The following NEURL4 variants were observed in gnomAD, a reference collection of about 807,000 sequenced individuals.
The protein encoded by NEURL4 is neuralized E3 ubiquitin protein ligase 4.
A neutral mutation model predicts 148.0 loss-of-function variants in NEURL4; 45 were observed. That is an observed-to-expected ratio of 0.30 (90% CI 0.24 to 0.39). NEURL4 has a LOEUF of 0.39. NEURL4 is among the 10% of genes least tolerant of loss of function. The pLI is 1.00. For missense variants in NEURL4, 1,776 were observed against 2,144.0 expected, an observed-to-expected ratio of 0.83 and a Z score of 3.39; for synonymous variants, 854 against 869.0, an observed-to-expected ratio of 0.98 and a Z score of 0.30.
In NEURL4 at chr17:7,324,039, G is replaced by A. The variant is rs1395346836; in HGVS notation, c.2063-27C>T. 7.5e-6 allele frequency: 12 copies of A among 1,608,438 alleles called. No homozygotes were observed. The highest frequency in any genetic ancestry group is 1.1e-5 in the South Asian group (1 of 91,074). ...TGTAAAAGTGGACATCACCCATCAG[G>A]TCTCTAGGTGTCTCTCAGACCTCCC... On this transcript the variant is annotated intron_variant, in intron 11 of 28. Coordinates refer to ENST00000399464, the MANE Select transcript of NEURL4 (RefSeq NM_032442.3). The surrounding 1 kb of genome is among the most constrained non-coding windows in gnomAD (Gnocchi z 5.9).
In NEURL4 at chr17:7,327,551, G is replaced by A. The variant is rs761984020; in HGVS notation, c.616C>T (p.Pro206Ser). The A allele has an allele frequency of 2.5e-6, 4 of 1,610,360 alleles. No individual in the cohort carries two copies. In the South Asian group the frequency reaches 3.3e-5, roughly 13 times the overall value. ...GGGGGGCTGAAGCCTGGCTCAGGGG[G>A]TAGCACGGTGATCTGGGTGCACTTG... ...YGKCTQITVL[P>S]PEPGFSPPTP... The change falls in exon 2 of 29, where the codon CCC becomes TCC. Residue 206 changes from proline to serine, a missense_variant. Physicochemically the swap from Pro to Ser is moderately conservative, Grantham distance 74. Coordinates refer to ENST00000399464, the MANE Select transcript of NEURL4 (RefSeq NM_032442.3). The surrounding 1 kb of genome is among the most constrained non-coding windows in gnomAD (Gnocchi z 6.6).
At position 7,320,820 on chromosome 17, in the gene NEURL4, G is replaced by A; in HGVS notation, c.3464C>T (p.Ala1155Val). Residue 1155 changes from alanine (A) to valine (V), a missense_variant, in exon 21 of 29, where the codon GCC becomes GTC. Coordinates refer to ENST00000399464, the MANE Select transcript of NEURL4 (RefSeq NM_032442.3). Reference sequence around the variant, plus strand: ...GACAACGATGCCCTGATTGTAGCTGGCCACCCGTGTGGCCGTACGGTTCCC... The same window carrying A: ...GACAACGATGCCCTGATTGTAGCTGACCACCCGTGTGGCCGTACGGTTCCC... ...SNGNRTATRV[A>V]SYNQGIVVIN... The A allele has an allele frequency of 1.2e-6, 2 of 1,614,070 alleles. No homozygotes were observed. Among genetic ancestry groups the A allele is most frequent in the Non-Finnish European group, 1.7e-6 (2 of 1,179,988 alleles).
At chr17:7,325,518 G>A (rs2143013238) in intron 7 of NEURL4, 45 bp from the exon 8 acceptor site, 1 of 1,602,330 alleles carries the variant, frequency 6.2e-7, no homozygotes, top group East Asian at 2.2e-5. Flanking sequence ...CAGGGAGAAT[G>A]AGGGGAGAAA....
intron 21 of NEURL4, among the ~76,000 whole-genome samples, chr17:7,320,136 T>G (rs949784554): frequency 6.6e-6 from 1 of 151,628 alleles, no homozygotes; most frequent in African/African-American, 2.4e-5. Flanking sequence ...GGCCTTTTTT[T>G]CTTTTTTTTT....
rs749849998 is a variant in NEURL4 at position 7,316,078 on chromosome 17, T to C, written c.*45A>G. The C allele has an allele frequency of 3.4e-5, 35 of 1,015,782 alleles. No individual in the cohort carries two copies. The Admixed American group carries it at 5.4e-4, about 16-fold the overall frequency. 62.9% of individuals were successfully genotyped at this position (1,015,782 alleles called of 1,614,324 possible). A position where few individuals can be genotyped will look rare whatever the true frequency, so the allele number is the denominator to read the frequency against. On this transcript the variant is annotated 3_prime_UTR_variant, in exon 29 of 29. Transcript: ENST00000399464. The stretch of plus-strand genomic sequence containing the variant: ...GGAGGCAGTCGCCACTCAGAGTCCA[T>C]GGGCCCGCGGCCCGACTGTGCTTGT...
At position 7,327,612 on chromosome 17, in the gene NEURL4, C is replaced by T; in HGVS notation, c.555G>A (p.Leu185=). The T allele has an allele frequency of 6.2e-7, 1 of 1,612,704 alleles. No individual in the cohort carries two copies. The highest frequency in any genetic ancestry group is 8.5e-7 in the Non-Finnish European group (1 of 1,179,888). The part of the protein sequence containing the change: ...GRDCGVAATG[L]PPRVWAVVDL... Reference sequence around the variant, plus strand: ...CCACGACGGCCCAGACACGAGGGGGCAGGCCTGTGGCAGCCACACCGCAAT... The same window carrying T: ...CCACGACGGCCCAGACACGAGGGGGTAGGCCTGTGGCAGCCACACCGCAAT... Residue 185 remains leucine, a synonymous_variant, in exon 2 of 29, where the codon CTG becomes CTA. Transcript: ENST00000399464. This position sits in a 1 kb window ranked among gnomAD's most constrained non-coding sequence, Gnocchi z 6.6.
At position 7,318,389 on chromosome 17, in the gene NEURL4, G is replaced by C. The variant is rs747982909; in HGVS notation, c.3865-33C>G. On this transcript the variant is annotated intron_variant, in intron 23 of 28. Transcript: ENST00000399464. The surrounding 1 kb of genome is among the most constrained non-coding windows in gnomAD (Gnocchi z 4.3). Reference sequence around the variant, plus strand: ...GGAGAGGGTAGTCAGACAGAGCTTGGTCAGACCCCAGGGCCTGCTGATCCC... The same window carrying C: ...GGAGAGGGTAGTCAGACAGAGCTTGCTCAGACCCCAGGGCCTGCTGATCCC... 2 of 1,612,398 alleles carry C rather than the reference G, an allele frequency of 1.2e-6. No individual in the cohort carries two copies. The highest frequency in any genetic ancestry group is 1.1e-5 in the South Asian group (1 of 91,040).
chr17:7,326,728 C>T lies in NEURL4; in HGVS notation c.1075G>A (p.Asp359Asn). 4 of 1,611,376 alleles carry T rather than the reference C, an allele frequency of 2.5e-6. No individual in the cohort carries two copies. The highest frequency in any genetic ancestry group is 1.1e-5 in the South Asian group (1 of 90,800). Residue 359 changes from aspartate to asparagine, a missense_variant, in exon 4 of 29, where the codon GAC becomes AAC. Transcript: ENST00000399464. The surrounding 1 kb of genome is among the most constrained non-coding windows in gnomAD (Gnocchi z 6.0). ...GVVMTNRPLR[D>N]NEMFEIRIDK... ...TTGCACACCTCAAACATCTCATTGTCCCGAAGGGGGCGATTGGTCATGACA... is the reference window on the plus strand; with the variant it reads ...TTGCACACCTCAAACATCTCATTGTTCCGAAGGGGGCGATTGGTCATGACA...
At position 7,318,136 on chromosome 17, in the gene NEURL4, G is replaced by A. The variant is rs1220234880; in HGVS notation, c.3989C>T (p.Ala1330Val). 6.2e-7 allele frequency: 1 copy of A among 1,614,188 alleles called. No individual in the cohort carries two copies. The highest frequency in any genetic ancestry group is 8.5e-7 in the Non-Finnish European group (1 of 1,180,030). The change falls in exon 25 of 29, where the codon GCC (alanine) becomes GTC (valine). Residue 1330 changes from alanine (A) to valine (V), a missense_variant. Ala to Val is a moderately conservative substitution (Grantham distance 64, BLOSUM62 0). Transcript: ENST00000399464. The surrounding 1 kb of genome is among the most constrained non-coding windows in gnomAD (Gnocchi z 4.3). ...CTCGCAGCTCTTTAGAGGACTAGCG[G>A]CAGGTGGTGGACCCCAGCACACACT... ...KESVCWGPPP[A>V]ASPLKSCEYH...
At chr17:7,317,744 G>A in intron 26 of NEURL4, 44 bp downstream of exon 26, 2 of 1,605,658 alleles carry the variant, frequency 1.2e-6, no homozygotes, top group Non-Finnish European at 1.7e-6. Flanking sequence ...CGTTTCTCCA[G>A]GGGGAAAACA....
rs767328384 is a variant in NEURL4 at position 7,317,879 on chromosome 17, G to A, written c.4114C>T (p.Arg1372Trp). ...KRSLCYCESC[R>W]KLRGDEAHRR... The stretch of plus-strand genomic sequence containing the variant: ...TGGGCCTCGTCTCCTCGCAGCTTCC[G>A]GCAAGACTCACAGTAGCACAGGCTT... Residue 1372 changes from arginine (R) to tryptophan (W), a missense_variant, in exon 26 of 29, where the codon CGG (arginine) becomes TGG (tryptophan). Physicochemically the swap from Arg to Trp is moderately radical, Grantham distance 101 (BLOSUM62 -3). Coordinates refer to ENST00000399464, the MANE Select transcript of NEURL4 (RefSeq NM_032442.3). The A allele has an allele frequency of 8.1e-6, 13 of 1,614,146 alleles. No homozygotes were observed. In the South Asian group the frequency reaches 9.9e-5, roughly 12 times the overall value.
In NEURL4 at chr17:7,321,547, C is replaced by G. The variant is rs754942272; in HGVS notation, c.3099+13G>C. On this transcript the variant is annotated intron_variant, in intron 18 of 28. Coordinates refer to ENST00000399464, the MANE Select transcript of NEURL4 (RefSeq NM_032442.3). The surrounding 1 kb of genome is among the most constrained non-coding windows in gnomAD (Gnocchi z 6.3). ...CCCAACCCCTCCCCTGTCCCTGGAG[C>G]CAGCCACTTCACCCCCAGCCTCTCT... The G allele has an allele frequency of 3.1e-6, 5 of 1,613,840 alleles. No homozygotes were observed. The highest frequency in any genetic ancestry group is 1.7e-5 in the Admixed American group (1 of 60,022).
At position 7,318,232 on chromosome 17, in the gene NEURL4, G is replaced by C. The variant is rs1273554877; in HGVS notation, c.3952+37C>G. ...GGGCTAGAAGGGTGAGGGTGGGGGA[G>C]TAGGGGCAGGAGCTGGGTCCCTTTG... On this transcript the variant is annotated intron_variant, in intron 24 of 28. Transcript: ENST00000399464. This position sits in a 1 kb window ranked among gnomAD's most constrained non-coding sequence, Gnocchi z 4.3. 1.2e-6 allele frequency: 2 copies of C among 1,610,846 alleles called. No homozygotes were observed. The highest frequency in any genetic ancestry group is 3.3e-5 in the Admixed American group (2 of 60,014).
At chr17:7,325,559 G>C in intron 7 of NEURL4, 82 bp downstream of exon 7, 1 of 1,586,800 alleles carries the variant, frequency 6.3e-7, no homozygotes, top group Non-Finnish European at 8.6e-7. Flanking sequence ...GCACCAAAGA[G>C]AAGCAGGAGG....
chr17:7,326,118 T>C lies in NEURL4; in HGVS notation c.1293+137A>G. ...TGAACTCTTGGGCAACTCAGGCTTC[T>C]AGGAAGGAACCTTTAGGTGGAAGAT... On this transcript the variant is annotated intron_variant, in intron 6 of 28. Coordinates refer to ENST00000399464, the MANE Select transcript of NEURL4 (RefSeq NM_032442.3). This position sits in a 1 kb window ranked among gnomAD's most constrained non-coding sequence, Gnocchi z 6.0. 1 of 795,852 alleles carries C rather than the reference T, an allele frequency of 1.3e-6. No homozygotes were observed. The highest frequency in any genetic ancestry group is 2.1e-6 in the Non-Finnish European group (1 of 485,976). 49.3% of individuals were successfully genotyped at this position (795,852 alleles called of 1,614,324 possible).
Position 7,327,758 on chromosome 17 carries a change from T to C in NEURL4, c.409A>G (p.Arg137Gly). ...SWVVSGCSVL[R>G]DGRSVLEEYG... Reference sequence around the variant, plus strand: ...TCCTCCAACACAGAGCGTCCATCTCTCAGCACAGAGCAGCCCGACACTACC... The same window carrying C: ...TCCTCCAACACAGAGCGTCCATCTCCCAGCACAGAGCAGCCCGACACTACC... Residue 137 changes from arginine (R) to glycine (G), a missense_variant, in exon 2 of 29, where the codon AGA (arginine) becomes GGA (glycine). By Grantham distance (125) the Arg-to-Gly change is moderately radical. Transcript: ENST00000399464. This position sits in a 1 kb window ranked among gnomAD's most constrained non-coding sequence, Gnocchi z 6.6. 6.2e-7 allele frequency: 1 copy of C among 1,613,980 alleles called. No individual in the cohort carries two copies. The highest frequency in any genetic ancestry group is 8.5e-7 in the Non-Finnish European group (1 of 1,180,018).
At chr17:7,323,223 T>C (rs1169841558) in intron 14 of NEURL4, 100 bp from the exon 15 acceptor site, 5 of 1,335,442 alleles carry the variant, frequency 3.7e-6, no homozygotes, top group South Asian at 1.3e-5. Context: ...TGTCTTGGGC[T>C]GGTGTCTTGA....
chr17:7,321,454 C>T lies in NEURL4; in HGVS notation c.3105G>A (p.Gly1035=), dbSNP rs1301038633. The T allele has an allele frequency of 7.4e-6, 12 of 1,613,924 alleles. No homozygotes were observed. In the African/African-American group the frequency reaches 1.1e-4, roughly 14 times the overall value. Residue 1035 remains glycine, a synonymous_variant, in exon 19 of 29, where the codon GGG becomes GGA. Transcript: ENST00000399464. The surrounding 1 kb of genome is among the most constrained non-coding windows in gnomAD (Gnocchi z 6.3). ...YGRNLERLGV[G]SRVGVRRGAD... is the part of the protein sequence containing the mutation. The stretch of plus-strand genomic sequence containing the variant: ...CCCCCCGACGAACACCCACACGGCT[C>T]CCCACCTAGGACCGAGGTAGGACAA...
Position 7,324,185 on chromosome 17 carries a change from C to G in NEURL4, c.1985G>C (p.Trp662Ser). The G allele has an allele frequency of 6.2e-7, 1 of 1,613,790 alleles. No homozygotes were observed. The highest frequency in any genetic ancestry group is 1.1e-5 in the South Asian group (1 of 91,082). Residue 662 changes from tryptophan (W) to serine (S), a missense_variant, in exon 11 of 29, where the codon TGG becomes TCG. Transcript: ENST00000399464. This position sits in a 1 kb window ranked among gnomAD's most constrained non-coding sequence, Gnocchi z 5.9. ...VNGMTQGPAA[W>S]NVPPGVYAVV... ...AGCATAGACGCCCGGGGGCACGTTC[C>G]AGGCAGCAGGGCCCTGAGTCATCCC...
Sources: allele counts gnomAD v4.1 joint callset (sites outside exome capture counted in the v4.1 genomes callset), GRCh38; gene constraint gnomAD v4.1.1; non-coding constraint Gnocchi (gnomAD v3.1); transcripts MANE v1.5; gene names NCBI Gene and HGNC (gene_info 2026-07-23, HGNC 2026-07-21).